The following CAST variants were observed in gnomAD, a reference collection of about 807,000 sequenced individuals.
CAST encodes calpastatin.
CAST carries 76 observed loss-of-function variants against 119.6 expected under a neutral mutation model. That is an observed-to-expected ratio of 0.64 (90% CI 0.53 to 0.77). The LOEUF is 0.77. CAST is among the 30% of genes least tolerant of loss of function. The pLI is 0.00. For missense variants in CAST, 953 were observed against 946.5 expected (o/e 1.01, Z -0.09); for synonymous variants, 319 against 331.6 (o/e 0.96, Z 0.41).
intron 1 of CAST, among the ~76,000 whole-genome samples, chr5:96,623,411 A>G (rs1747659987): frequency 6.6e-6 from 1 of 152,174 alleles, no homozygotes; most frequent in Admixed American, 6.5e-5. Context: ...TGCCCAGCAA[A>G]TTGCCCAGTT....
the CAST span, among the ~76,000 whole-genome samples, chr5:95,997,796 C>G: frequency 1.3e-5 from 2 of 152,014 alleles, no homozygotes; most frequent in African/African-American, 4.8e-5. Context: ...TTTTCTGGAT[C>G]TTTCTCTTCT....
chr5:96,086,049 T>C, the CAST span, among the ~76,000 whole-genome samples: 1 of 152,220 alleles, frequency 6.6e-6, no homozygotes, highest in East Asian at 1.9e-4. Context: ...CAAAACAGCA[T>C]AGTATTTATA....
At chr5:96,588,758 C>T (rs1223949232) in intron 1 of CAST, among the ~76,000 whole-genome samples, 2 of 152,160 alleles carry the variant, frequency 1.3e-5, no homozygotes, top group East Asian at 3.8e-4. Flanking sequence ...CATAAAACTA[C>T]TCATCCATAG....
At chr5:96,106,973 T>C in the CAST span, among the ~76,000 whole-genome samples, 1 of 144,062 alleles carries the variant, frequency 6.9e-6, no homozygotes, top group East Asian at 2.0e-4. Context: ...TTTACCATTA[T>C]GTAATGGCCT....
chr5:96,416,266 A>G, the CAST span: 3 of 673,300 alleles, frequency 4.5e-6, no homozygotes, highest in Non-Finnish European at 5.4e-6. Context: ...TTAGTATAAC[A>G]TAAAACTTAT....
intron 1 of CAST, among the ~76,000 whole-genome samples, chr5:96,666,364 C>T (rs1487139966): frequency 1.3e-5 from 2 of 152,184 alleles, no homozygotes; most frequent in Non-Finnish European, 2.9e-5. Flanking sequence ...TTGGCCCACA[C>T]CAGTCATCAC....
chr5:96,647,556 G>A (rs1366561462), intron 1 of CAST, among the ~76,000 whole-genome samples: 1 of 152,062 alleles, frequency 6.6e-6, no homozygotes, highest in Non-Finnish European at 1.5e-5. Context: ...AACCCCATAC[G>A]ACCTTATTTG....
chr5:96,744,977 T>A (rs1763456548), intron 16 of CAST, among the ~76,000 whole-genome samples: 1 of 152,228 alleles, frequency 6.6e-6, no homozygotes, highest in Admixed American at 6.5e-5. Context: ...GGCTCTTTTT[T>A]TTCGATGCCT....
the CAST span, among the ~76,000 whole-genome samples, chr5:96,195,519 A>G: frequency 2.0e-5 from 3 of 152,218 alleles, no homozygotes; most frequent in Non-Finnish European, 2.9e-5. Flanking sequence ...AGATTCTATA[A>G]AATTCTTAAA....
At chr5:96,025,334 T>A in the CAST span, among the ~76,000 whole-genome samples, 1 of 152,132 alleles carries the variant, frequency 6.6e-6, no homozygotes, top group East Asian at 1.9e-4. Flanking sequence ...AGGGAGAGGA[T>A]GCAAGTCCTT....
chr5:96,312,648 A>T, the CAST span, among the ~76,000 whole-genome samples: 1,061 of 152,248 alleles, frequency 7.0e-3, 11 homozygotes, highest in South Asian at 0.032. Context: ...CTAAATAAGA[A>T]AGCAAAAACA....
chr5:96,336,922 G>T, the CAST span, among the ~76,000 whole-genome samples: 1 of 152,142 alleles, frequency 6.6e-6, no homozygotes, highest in Non-Finnish European at 1.5e-5. Flanking sequence ...GTATGTTTTA[G>T]GAGTAAAACT....
chr5:96,340,161 T>C, the CAST span, among the ~76,000 whole-genome samples: 41 of 152,310 alleles, frequency 2.7e-4, no homozygotes, highest in African/African-American at 9.1e-4. Flanking sequence ...TTTTGCAGCA[T>C]CTAATGCCAA....
chr5:96,739,623 G>C (rs571268402), intron 11 of CAST, among the ~76,000 whole-genome samples: 1 of 152,258 alleles, frequency 6.6e-6, no homozygotes, highest in South Asian at 2.1e-4. Flanking sequence ...AGGGAATTAG[G>C]TTTGAGAATG....
chr5:96,562,517 A>G (rs969778611), intron 1 of CAST, among the ~76,000 whole-genome samples: 5 of 152,242 alleles, frequency 3.3e-5, no homozygotes, highest in Non-Finnish European at 7.3e-5. Context: ...AAGAGCTGTC[A>G]TACATACTGG....
intron 1 of CAST, among the ~76,000 whole-genome samples, chr5:96,633,975 G>C (rs1747854991): frequency 6.6e-6 from 1 of 152,150 alleles, no homozygotes; most frequent in South Asian, 2.1e-4. Flanking sequence ...GACTCATCCT[G>C]ACTTCCCAAA....
chr5:96,231,536 G>A, the CAST span, among the ~76,000 whole-genome samples: 1 of 152,084 alleles, frequency 6.6e-6, no homozygotes, highest in Non-Finnish European at 1.5e-5. Flanking sequence ...TTTATGAGAT[G>A]ATGAAAATGT....
At chr5:96,360,134 A>G in the CAST span, among the ~76,000 whole-genome samples, 1 of 151,640 alleles carries the variant, frequency 6.6e-6, no homozygotes, top group Non-Finnish European at 1.5e-5. Context: ...TCAGCTATTG[A>G]TAGTTATGTA....
chr5:96,743,528 C>G lies in CAST; in HGVS notation c.1200+772C>G, dbSNP rs1037767338. 6 of 1,480,546 alleles carry G rather than the reference C, an allele frequency of 4.1e-6. No homozygotes were observed. In the African/African-American group the frequency reaches 7.2e-5, roughly 18 times the overall value. 91.7% of individuals were successfully genotyped at this position (1,480,546 alleles called of 1,614,324 possible). ...CTGGCAGGCATTGCTGTCACAATGC[C>G]CCATCTCTGCTGTCACTTCCTGTTC... is the stretch of plus-strand genomic sequence containing the variant. On this transcript the variant is annotated intron_variant, in intron 16 of 31. Coordinates refer to ENST00000675179, the MANE Select transcript of CAST (RefSeq NM_001750.7).
Sources: allele counts gnomAD v4.1 joint callset (sites outside exome capture counted in the v4.1 genomes callset), GRCh38; gene constraint gnomAD v4.1.1; transcripts MANE v1.5; gene names NCBI Gene and HGNC (gene_info 2026-07-23, HGNC 2026-07-21).